Variants in GABRA4 observed in about 807,000 individuals in gnomAD.
GABRA4 encodes gamma-aminobutyric acid type A receptor subunit alpha4.
In GABRA4, 12 loss-of-function variants were observed where a neutral mutation model predicts 49.7. The observed-to-expected ratio is 0.24, with a 90% CI of 0.15 to 0.39. The LOEUF is 0.39. Among genes scored for constraint, GABRA4 ranks in the 10% least tolerant of loss-of-function variants. GABRA4 has a pLI of 1.00. For missense variants in GABRA4, 506 were observed against 686.0 expected (o/e 0.74, Z 2.93); for synonymous variants, 288 against 240.2 (o/e 1.20, Z -1.84).
chr4:46,934,428 A>G (rs775668959), intron 8 of GABRA4, among the ~76,000 whole-genome samples: 1 of 152,170 alleles, frequency 6.6e-6, no homozygotes, highest in Non-Finnish European at 1.5e-5. Flanking sequence ...CATCCCCTCC[A>G]AATAAACATG....
At chr4:46,956,307 A>T (rs545688063) in intron 8 of GABRA4, among the ~76,000 whole-genome samples, 2 of 152,194 alleles carry the variant, frequency 1.3e-5, no homozygotes, top group South Asian at 4.1e-4. Flanking sequence ...AACTGCCCAA[A>T]ACCAAGTTTA....
Position 46,927,744 on chromosome 4 carries a change from GTTTAA to G in GABRA4, c.*476_*480del, listed in dbSNP as rs1376989908. On this transcript the variant is annotated 3_prime_UTR_variant, in exon 9 of 9. Transcript: ENST00000264318. ...TACTATTCCATTTCCTTTTGCCAAT[GTTTAA>G]TTTAACAGGAAAATTCCTTTTCTTG... is the stretch of plus-strand genomic sequence containing the variant. 1 of 155,376 alleles carries G rather than the reference GTTTAA, an allele frequency of 6.4e-6. No individual in the cohort carries two copies. Among genetic ancestry groups the G allele is most frequent in the Non-Finnish European group, 1.4e-5 (1 of 70,274 alleles). The allele number at this position is 155,376 out of a possible 1,614,324, so 9.6% of individuals were successfully genotyped here.
chr4:46,963,752 AC>A (rs1722656722), intron 8 of GABRA4, among the ~76,000 whole-genome samples: 1 of 151,838 alleles, frequency 6.6e-6, no homozygotes, highest in Non-Finnish European at 1.5e-5. Flanking sequence ...AACTACAATG[AC>A]GCATCATCTC....
intron 8 of GABRA4, among the ~76,000 whole-genome samples, chr4:46,929,528 A>G (rs1016575076): frequency 6.6e-6 from 1 of 152,090 alleles, no homozygotes; most frequent in African/African-American, 2.4e-5. Flanking sequence ...TCAGCAAATT[A>G]TTTTGTTTGT....
At chr4:46,991,328 T>C (rs16859829) in intron 2 of GABRA4, among the ~76,000 whole-genome samples, 1,639 of 152,324 alleles carry the variant, frequency 0.011, 15 homozygotes, top group Middle Eastern at 0.027. Flanking sequence ...TGTGCCCTTA[T>C]ATACATCACT....
intron 8 of GABRA4, among the ~76,000 whole-genome samples, chr4:46,962,655 T>A (rs1424442490): frequency 6.6e-6 from 1 of 151,734 alleles, no homozygotes; most frequent in East Asian, 1.9e-4. Context: ...GCCAAAGATA[T>A]CCTAAGCACA....
At chr4:46,962,003 G>A (rs774596805) in intron 8 of GABRA4, among the ~76,000 whole-genome samples, 53 of 151,898 alleles carry the variant, frequency 3.5e-4, no homozygotes, top group Non-Finnish European at 5.9e-4. Flanking sequence ...TGTGTCAAAT[G>A]TAAAATACAA....
At chr4:46,980,218 A>C (rs1417981723) in intron 2 of GABRA4, among the ~76,000 whole-genome samples, 4 of 152,092 alleles carry the variant, frequency 2.6e-5, no homozygotes, top group Admixed American at 2.0e-4. Context: ...ACAAAAATAT[A>C]AAAATTGTTG....
At chr4:46,943,046 T>C (rs1354542507) in intron 8 of GABRA4, among the ~76,000 whole-genome samples, 2 of 152,148 alleles carry the variant, frequency 1.3e-5, no homozygotes, top group East Asian at 1.9e-4. Context: ...TCTTCAGATA[T>C]TTATTGAGTG....
intron 8 of GABRA4, among the ~76,000 whole-genome samples, chr4:46,933,099 C>A (rs1242635853): frequency 6.6e-6 from 1 of 151,990 alleles, no homozygotes; most frequent in Non-Finnish European, 1.5e-5. Context: ...GTGGGGTGTG[C>A]AACATGAACA....
Position 46,928,617 on chromosome 4 carries a change from G to A in GABRA4, c.1273C>T (p.Pro425Ser). 6.2e-7 allele frequency: 1 copy of A among 1,613,770 alleles called. No homozygotes were observed. The highest frequency in any genetic ancestry group is 8.5e-7 in the Non-Finnish European group (1 of 1,179,784). Reference protein sequence around the residue: ...TVVQESSKGTPRSYLASSPNP... With the variant: ...TVVQESSKGTSRSYLASSPNP... ...GGACTGGAAGCTAAGTAAGACCGAG[G>A]TGTGCCTTTAGAAGATTCTTGAACA... The change falls in exon 9 of 9, where the codon CCT becomes TCT. Residue 425 changes from proline (P) to serine (S), a missense_variant. Transcript: ENST00000264318.
intron 8 of GABRA4, among the ~76,000 whole-genome samples, chr4:46,950,662 C>T (rs1433816012): frequency 6.6e-6 from 1 of 151,440 alleles, no homozygotes; most frequent in African/African-American, 2.4e-5. Flanking sequence ...CTAACCCAGG[C>T]TTCCACTTAT....
chr4:46,926,233 G>A lies in GABRA4; in HGVS notation c.*1992C>T, dbSNP rs1721226369. On this transcript the variant is annotated 3_prime_UTR_variant, in exon 9 of 9. Coordinates refer to ENST00000264318, the MANE Select transcript of GABRA4 (RefSeq NM_000809.4). ...CCATATTTCCAAACATCGTCCTCAAGGCCAGAAATCTATTCACATTCATGA... is the reference window on the plus strand; with the variant it reads ...CCATATTTCCAAACATCGTCCTCAAAGCCAGAAATCTATTCACATTCATGA... 1 of 151,798 alleles carries A rather than the reference G, an allele frequency of 6.6e-6. No homozygotes were observed. Among genetic ancestry groups the A allele is most frequent in the Non-Finnish European group, 1.5e-5 (1 of 67,880 alleles). The allele number at this position is 151,798 out of a possible 1,614,324, so 9.4% of individuals were successfully genotyped here.
Position 46,971,105 on chromosome 4 carries a change from T to C in GABRA4, c.852A>G (p.Ser284=). 1 of 1,609,412 alleles carries C rather than the reference T, an allele frequency of 6.2e-7. No individual in the cohort carries two copies. The highest frequency in any genetic ancestry group is 8.5e-7 in the Non-Finnish European group (1 of 1,177,040). The change falls in exon 7 of 9, where the codon TCA becomes TCG. Residue 284 remains serine (S), a synonymous_variant. Transcript: ENST00000264318. ...TACCAAATACAGTCCTAGCGGGAAC[T>C]GATTCTTTATTTATCCAAAATGAAA... ...SQVSFWINKE[S]VPARTVFGIT...
chr4:46,929,451 G>A (rs1721351539), intron 8 of GABRA4, among the ~76,000 whole-genome samples: 1 of 152,008 alleles, frequency 6.6e-6, no homozygotes, highest in Non-Finnish European at 1.5e-5. Flanking sequence ...ACCAACAGTT[G>A]CATAAATATC....
At position 46,965,014 on chromosome 4, in the gene GABRA4, C is replaced by G. The variant is rs769919150; in HGVS notation, c.1090G>C (p.Ala364Pro). The change falls in exon 8 of 9, where the codon GCT (alanine) becomes CCT (proline). Residue 364 changes from alanine (A) to proline (P), a missense_variant. Ala to Pro is a conservative substitution (Grantham distance 27, BLOSUM62 -1). This residue lies in a region of GABRA4 where 243 missense variants were observed against 210.8 expected (regional missense o/e 1.15). Coordinates refer to ENST00000264318, the MANE Select transcript of GABRA4 (RefSeq NM_000809.4). ...KTSKPPQEVPAAPVQREKHPE... is the reference protein window; with the variant it reads ...KTSKPPQEVPPAPVQREKHPE... ...TGCTTCTCTCTCTGCACTGGAGCAG[C>G]GGGAACTTCCTGAGGGGGCTTTGAT... is the stretch of plus-strand genomic sequence containing the variant. 1.2e-6 allele frequency: 2 copies of G among 1,611,416 alleles called. No homozygotes were observed. Among genetic ancestry groups the G allele is most frequent in the African/African-American group, 1.3e-5 (1 of 74,670 alleles).
intron 2 of GABRA4, among the ~76,000 whole-genome samples, chr4:46,980,941 T>A (rs776932914): frequency 6.6e-6 from 1 of 152,074 alleles, no homozygotes; most frequent in Non-Finnish European, 1.5e-5. Flanking sequence ...TTAAGGTTGG[T>A]TATGTCCTGA....
chr4:46,966,941 T>A (rs965865873), intron 7 of GABRA4, among the ~76,000 whole-genome samples: 16 of 151,734 alleles, frequency 1.1e-4, no homozygotes, highest in Non-Finnish European at 2.2e-4. Flanking sequence ...ATTTATTGGG[T>A]TTTATTTCAG....
intron 8 of GABRA4, among the ~76,000 whole-genome samples, chr4:46,945,927 A>G (rs1721964128): frequency 6.6e-6 from 1 of 152,160 alleles, no homozygotes; most frequent in South Asian, 2.1e-4. Context: ...AAAGGAGATG[A>G]AGAATAAGCA....
Sources: gnomAD v4.1 joint callset for allele counts (sites outside exome capture counted in the v4.1 genomes callset) on GRCh38, gnomAD v4.1.1 for gene constraint, gnomAD v4.1.1 regional missense constraint, MANE v1.5 for transcripts, NCBI Gene and HGNC (gene_info 2026-07-23, HGNC 2026-07-21) for gene names.